Variants in ATP8A1 observed in about 807,000 individuals in gnomAD.
The protein encoded by ATP8A1 is ATPase phospholipid transporting 8A1.
ATP8A1 carries 90 observed loss-of-function variants against 177.7 expected under a neutral mutation model. That is an observed-to-expected ratio of 0.51 (90% CI 0.43 to 0.60). The LOEUF (loss-of-function observed/expected upper bound fraction) is 0.60. Ranked by LOEUF, ATP8A1 falls within the 20% of genes least tolerant of loss-of-function variation. The pLI is 0.00. For missense variants in ATP8A1, 1,072 were observed against 1,392.8 expected (o/e 0.77, Z 3.67); for synonymous variants, 493 against 485.9 (o/e 1.01, Z -0.19).
At chr4:42,518,634 G>A (rs187682457) in intron 22 of ATP8A1, among the ~76,000 whole-genome samples, 10 of 152,248 alleles carry the variant, frequency 6.6e-5, no homozygotes, top group East Asian at 1.9e-4. Context: ...ATGTGAAAAC[G>A]ACCCTCACAG....
chr4:42,504,624 A>G (rs1390037218), intron 23 of ATP8A1, among the ~76,000 whole-genome samples: 2 of 152,204 alleles, frequency 1.3e-5, no homozygotes, highest in South Asian at 2.1e-4. Context: ...CCAAGTCTCC[A>G]TCATATTTCC....
At position 42,593,823 on chromosome 4, in the gene ATP8A1, T is replaced by C. The variant is rs376527310; in HGVS notation, c.451-2939A>G. Among the ~76,000 whole-genome samples, 29 of 152,160 alleles carry C rather than the reference T, an allele frequency of 1.9e-4. No homozygotes were observed. In the East Asian group the frequency reaches 5.6e-3, roughly 29 times the overall value. On this transcript the variant is annotated intron_variant, in intron 6 of 36. Coordinates refer to ENST00000381668, the MANE Select transcript of ATP8A1 (RefSeq NM_006095.2). ...TAAAAGAAAGAGCAAAGTACTTTTG[T>C]GTTGGAAGAGTATGGCATTTCAAAA... is the stretch of plus-strand genomic sequence containing the variant.
intron 25 of ATP8A1, among the ~76,000 whole-genome samples, chr4:42,468,227 G>T (rs562638872): frequency 6.6e-6 from 1 of 152,164 alleles, no homozygotes; most frequent in Admixed American, 6.5e-5. Context: ...CCACTATGGG[G>T]TATCTACCCA....
intron 12 of ATP8A1, 112 bp from the exon 13 acceptor site, chr4:42,575,811 A>G (rs1199615796): frequency 1.0e-5 from 9 of 888,226 alleles, no homozygotes; most frequent in African/African-American, 1.7e-5. Context: ...TGTTTGATGA[A>G]CTATATGTAG....
At chr4:42,430,887 CACA>C (rs1260034685) in intron 33 of ATP8A1, among the ~76,000 whole-genome samples, 2 of 152,096 alleles carry the variant, frequency 1.3e-5, no homozygotes, top group African/African-American at 4.8e-5. Flanking sequence ...AGGTCCTGGT[CACA>C]ACACTTCAGG....
chr4:42,635,307 A>G (rs2109522536), intron 1 of ATP8A1, among the ~76,000 whole-genome samples: 1 of 152,212 alleles, frequency 6.6e-6, no homozygotes, highest in African/African-American at 2.4e-5. Context: ...TGCAGACTCA[A>G]CTTTATTGCA....
chr4:42,589,243 C>G (rs1733920484), intron 7 of ATP8A1, among the ~76,000 whole-genome samples: 1 of 152,166 alleles, frequency 6.6e-6, no homozygotes, highest in Non-Finnish European at 1.5e-5. Flanking sequence ...TAAAGAAAAG[C>G]ATTCTAATCT....
At chr4:42,612,445 C>G (rs1300121577) in intron 5 of ATP8A1, among the ~76,000 whole-genome samples, 2 of 145,736 alleles carry the variant, frequency 1.4e-5, no homozygotes, top group Non-Finnish European at 3.0e-5. Context: ...CATCACACAA[C>G]AAAAACACTG....
chr4:42,619,066 T>C (rs571297142), intron 4 of ATP8A1, among the ~76,000 whole-genome samples: 3 of 152,184 alleles, frequency 2.0e-5, no homozygotes, highest in Admixed American at 1.3e-4. Flanking sequence ...TGTTTTTTTT[T>C]TGAGATGGAG....
chr4:42,600,577 T>C (rs1735148114), intron 5 of ATP8A1, 59 bp from the exon 6 acceptor site: 2 of 1,497,520 alleles, frequency 1.3e-6, no homozygotes, highest in Non-Finnish European at 1.8e-6. Flanking sequence ...AGGCCATTTC[T>C]GATGAAATAA....
intron 19 of ATP8A1, among the ~76,000 whole-genome samples, chr4:42,544,820 G>T (rs2153207403): frequency 6.6e-6 from 1 of 152,192 alleles, no homozygotes; most frequent in African/African-American, 2.4e-5. Context: ...AGTCAGTTAT[G>T]GTATCATAGT....
intron 24 of ATP8A1, among the ~76,000 whole-genome samples, chr4:42,490,095 C>T (rs1222683048): frequency 1.3e-5 from 2 of 152,164 alleles, no homozygotes; most frequent in Non-Finnish European, 2.9e-5. Flanking sequence ...GAGGGAGCCA[C>T]AGTGGAAAGT....
intron 25 of ATP8A1, among the ~76,000 whole-genome samples, chr4:42,471,235 G>A (rs1194658303): frequency 6.6e-6 from 1 of 152,152 alleles, no homozygotes; most frequent in Non-Finnish European, 1.5e-5. Context: ...ACCTAGAAGT[G>A]CGCTATTCAA....
intron 9 of ATP8A1, among the ~76,000 whole-genome samples, chr4:42,582,672 G>C (rs1254289643): frequency 6.6e-6 from 1 of 152,136 alleles, no homozygotes; most frequent in Non-Finnish European, 1.5e-5. Flanking sequence ...CATTTTTATA[G>C]TATTTGAAGA....
chr4:42,409,066 G>A lies in ATP8A1; in HGVS notation c.*3850C>T, dbSNP rs796109397. 2 of 152,108 alleles carry A rather than the reference G, an allele frequency of 1.3e-5. No homozygotes were observed. The highest frequency in any genetic ancestry group is 4.8e-5 in the African/African-American group (2 of 41,444). 9.4% of individuals were successfully genotyped at this position (152,108 alleles called of 1,614,324 possible). A position where few individuals can be genotyped will look rare whatever the true frequency, so the allele number is the denominator to read the frequency against. On this transcript the variant is annotated 3_prime_UTR_variant, in exon 37 of 37. Transcript: ENST00000381668. ...GTAAAATAATCTACTTATTAAAAAA[G>A]TTGTGCAGAGGACCAATTAATTTGT...
At chr4:42,520,502 C>T (rs560398958) in intron 22 of ATP8A1, among the ~76,000 whole-genome samples, 13 of 151,794 alleles carry the variant, frequency 8.6e-5, no homozygotes, top group Non-Finnish European at 1.8e-4. Flanking sequence ...TACATAAATG[C>T]CCCAAAGACA....
chr4:42,535,482 T>C (rs1415627441), intron 20 of ATP8A1, among the ~76,000 whole-genome samples: 3 of 152,150 alleles, frequency 2.0e-5, no homozygotes, highest in African/African-American at 7.2e-5. Context: ...ACTAGACTTA[T>C]GAAAGGGGAT....
At chr4:42,655,598 A>AT (rs1168859424) in intron 1 of ATP8A1, among the ~76,000 whole-genome samples, 4 of 152,224 alleles carry the variant, frequency 2.6e-5, no homozygotes, top group African/African-American at 9.6e-5. Flanking sequence ...CTATATAAGT[A>AT]TTTTTTGGGT....
chr4:42,534,522 C>T (rs971825468), intron 20 of ATP8A1, among the ~76,000 whole-genome samples: 13 of 152,078 alleles, frequency 8.5e-5, no homozygotes, highest in Admixed American at 5.2e-4. Flanking sequence ...TTGTGTTAAA[C>T]GACCAAACCT....
Sources: gnomAD v4.1 joint callset for allele counts (sites outside exome capture counted in the v4.1 genomes callset) on GRCh38, gnomAD v4.1.1 for gene constraint, MANE v1.5 for transcripts, NCBI Gene and HGNC (gene_info 2026-07-23, HGNC 2026-07-21) for gene names.